Variants in CTNNA3 observed in about 807,000 individuals in gnomAD.
CTNNA3 encodes the protein catenin alpha 3, also known as catenin alpha-3.
A neutral mutation model predicts 95.7 loss-of-function variants in CTNNA3; 76 were observed. That is an observed-to-expected ratio of 0.79 (90% CI 0.66 to 0.96). CTNNA3 has a LOEUF of 0.96. CTNNA3 is among the 40% of genes least tolerant of loss of function. The pLI, the probability that CTNNA3 is intolerant of heterozygous loss-of-function variation, is 0.00. For missense variants in CTNNA3, 1,191 were observed against 1,089.8 expected (o/e 1.09, Z -1.31); for synonymous variants, 431 against 374.4 (o/e 1.15, Z -1.74).
At chr10:66,153,010 T>G (rs1331984266) in intron 13 of CTNNA3, among the ~76,000 whole-genome samples, 1 of 151,974 alleles carries the variant, frequency 6.6e-6, no homozygotes, top group Non-Finnish European at 1.5e-5. Flanking sequence ...TGGGCTCTGT[T>G]GATATCTTTA....
chr10:66,535,108 C>T (rs148704059), intron 10 of CTNNA3, among the ~76,000 whole-genome samples: 27 of 151,974 alleles, frequency 1.8e-4, no homozygotes, highest in East Asian at 1.9e-4. Flanking sequence ...TATTAAAGAA[C>T]CTATGGCCTA....
intron 11 of CTNNA3, among the ~76,000 whole-genome samples, chr10:66,380,814 G>A (rs2092832775): frequency 6.6e-6 from 1 of 151,692 alleles, no homozygotes; most frequent in African/African-American, 2.4e-5. Flanking sequence ...ATATTAAGTG[G>A]GGATTCATGT....
At chr10:67,459,570 T>C (rs992809289) in intron 5 of CTNNA3, among the ~76,000 whole-genome samples, 40 of 152,334 alleles carry the variant, frequency 2.6e-4, no homozygotes, top group African/African-American at 8.9e-4. Context: ...ACACTTCTGT[T>C]GGACATGAAT....
At chr10:66,140,136 C>T (rs1417789230) in intron 13 of CTNNA3, among the ~76,000 whole-genome samples, 3 of 152,144 alleles carry the variant, frequency 2.0e-5, no homozygotes, top group South Asian at 2.1e-4. Context: ...ACTAACTAAT[C>T]GCCACATAAC....
chr10:67,131,228 C>A (rs989032898), intron 7 of CTNNA3, among the ~76,000 whole-genome samples: 2 of 151,940 alleles, frequency 1.3e-5, no homozygotes, highest in Non-Finnish European at 2.9e-5. Context: ...GGGTTAGGTA[C>A]CTTTCTTTGG....
intron 5 of CTNNA3, among the ~76,000 whole-genome samples, chr10:67,451,266 A>C (rs1846970957): frequency 6.6e-6 from 1 of 152,136 alleles, no homozygotes; most frequent in Non-Finnish European, 1.5e-5. Context: ...CAAGCCAAAT[A>C]AATATGTTTT....
At chr10:66,637,040 T>C (rs1401709778) in intron 9 of CTNNA3, among the ~76,000 whole-genome samples, 1 of 152,186 alleles carries the variant, frequency 6.6e-6, no homozygotes, top group African/African-American at 2.4e-5. Flanking sequence ...TCAATTGAAT[T>C]GTTTAATAAA....
intron 1 of CTNNA3, among the ~76,000 whole-genome samples, chr10:67,702,782 A>G (rs1221464705): frequency 1.3e-5 from 2 of 152,234 alleles, no homozygotes; most frequent in Non-Finnish European, 2.9e-5. Flanking sequence ...AGATCAGAGC[A>G]GAACTGAAGG....
intron 9 of CTNNA3, among the ~76,000 whole-genome samples, chr10:66,760,821 G>A (rs1273971844): frequency 6.6e-6 from 1 of 152,026 alleles, no homozygotes; most frequent in Non-Finnish European, 1.5e-5. Flanking sequence ...ATAACCAAGG[G>A]AGTGGGCAGT....
chr10:67,602,171 A>G (rs1212728118), intron 3 of CTNNA3, among the ~76,000 whole-genome samples: 1 of 137,960 alleles, frequency 7.2e-6, no homozygotes, highest in Non-Finnish European at 1.5e-5. Flanking sequence ...CCTTCACCTT[A>G]TGCCACTGGA....
intron 5 of CTNNA3, among the ~76,000 whole-genome samples, chr10:67,363,143 C>T (rs990434456): frequency 6.6e-6 from 1 of 151,988 alleles, no homozygotes; most frequent in Non-Finnish European, 1.5e-5. Context: ...AAAAATAATT[C>T]CCTGCTTATT....
chr10:67,091,299 C>A (rs183108722), intron 7 of CTNNA3, among the ~76,000 whole-genome samples: 4 of 151,936 alleles, frequency 2.6e-5, no homozygotes, highest in African/African-American at 9.6e-5. Flanking sequence ...TAAAACATTT[C>A]TTTAAGTAAA....
chr10:66,792,582 C>G (rs1341817039), intron 7 of CTNNA3, among the ~76,000 whole-genome samples: 1 of 152,110 alleles, frequency 6.6e-6, no homozygotes, highest in Non-Finnish European at 1.5e-5. Flanking sequence ...AGATACCCAG[C>G]ATTTTCTGTT....
intron 5 of CTNNA3, among the ~76,000 whole-genome samples, chr10:67,226,810 CT>C (rs1864939137): frequency 6.6e-6 from 1 of 152,034 alleles, no homozygotes; most frequent in Non-Finnish European, 1.5e-5. Context: ...TAAAACAAAA[CT>C]ACAAGTTAAA....
intron 13 of CTNNA3, among the ~76,000 whole-genome samples, chr10:66,127,987 G>A (rs1238122596): frequency 2.0e-5 from 3 of 152,048 alleles, no homozygotes; most frequent in Non-Finnish European, 4.4e-5. Flanking sequence ...CAGGAGAATC[G>A]CTTGAAACTG....
intron 2 of CTNNA3, among the ~76,000 whole-genome samples, chr10:67,626,794 T>C (rs1838972537): frequency 2.0e-5 from 3 of 152,226 alleles, no homozygotes; most frequent in Non-Finnish European, 4.4e-5. Flanking sequence ...TGTATGTGTC[T>C]ATACATGTGT....
intron 9 of CTNNA3, among the ~76,000 whole-genome samples, chr10:66,651,684 A>C (rs1484568359): frequency 7.2e-6 from 1 of 138,576 alleles, no homozygotes; most frequent in African/African-American, 2.5e-5. Flanking sequence ...GACCCAGCGC[A>C]CCCTCTGCAC....
At chr10:67,265,141 T>C (rs186362295) in intron 5 of CTNNA3, among the ~76,000 whole-genome samples, 4 of 152,276 alleles carry the variant, frequency 2.6e-5, no homozygotes, top group African/African-American at 9.6e-5. Context: ...TCCTTGTCTG[T>C]CCTATTTCTG....
intron 5 of CTNNA3, among the ~76,000 whole-genome samples, chr10:67,331,335 G>A (rs1419347819): frequency 1.3e-5 from 2 of 152,280 alleles, no homozygotes; most frequent in African/African-American, 4.8e-5. Context: ...ATAAACTGCT[G>A]TGTTTCCATT....
Sources: gnomAD v4.1 joint callset for allele counts (sites outside exome capture counted in the v4.1 genomes callset) on GRCh38, gnomAD v4.1.1 for gene constraint, MANE v1.5 for transcripts, NCBI Gene and HGNC (gene_info 2026-07-23, HGNC 2026-07-21) for gene names.